CACNG3: variants seen among roughly 807,000 people sequenced by gnomAD.
CACNG3 encodes the protein calcium voltage-gated channel auxiliary subunit gamma 3.
CACNG3 carries 3 observed loss-of-function variants against 28.5 expected under a neutral mutation model. The observed-to-expected ratio is 0.11, with a 90% CI of 0.05 to 0.27. The LOEUF (loss-of-function observed/expected upper bound fraction) is 0.27. CACNG3 is among the 10% of genes least tolerant of loss of function. The pLI is 1.00. For synonymous variants in CACNG3, 174 were observed against 162.2 expected, an observed-to-expected ratio of 1.07 and a Z score of -0.55; for missense variants, 236 against 414.4, an observed-to-expected ratio of 0.57 and a Z score of 3.74.
intron 2 of CACNG3, among the ~76,000 whole-genome samples, chr16:24,354,402 A>G (rs1900000930): frequency 6.6e-6 from 1 of 151,944 alleles, no homozygotes; most frequent in African/African-American, 2.4e-5. Flanking sequence ...GCTCCCACCA[A>G]GGGCAAAATG....
Position 24,256,993 on chromosome 16 carries a change from T to G in CACNG3, c.211+28T>G. 7.4e-7 allele frequency: 1 copy of G among 1,352,932 alleles called. No homozygotes were observed. The highest frequency in any genetic ancestry group is 1.1e-6 in the Non-Finnish European group (1 of 942,108). 83.8% of individuals were successfully genotyped at this position (1,352,932 alleles called of 1,614,324 possible). On this transcript the variant is annotated intron_variant, in intron 1 of 3. Coordinates refer to ENST00000005284, the MANE Select transcript of CACNG3 (RefSeq NM_006539.4). The surrounding 1 kb of genome is among the most constrained non-coding windows in gnomAD (Gnocchi z 4.6). ...ATTTACAATTTCCTCTCAATAGCTC[T>G]GAATAATCCAGTTCTGATATTCTGG...
chr16:24,313,200 T>G (rs1311387356), intron 1 of CACNG3, among the ~76,000 whole-genome samples: 1 of 152,164 alleles, frequency 6.6e-6, no homozygotes, highest in Non-Finnish European at 1.5e-5. Flanking sequence ...CTAGAACATA[T>G]TCATTAAAAC....
At chr16:24,315,538 TC>T (rs1364095752) in intron 1 of CACNG3, among the ~76,000 whole-genome samples, 1 of 151,460 alleles carries the variant, frequency 6.6e-6, no homozygotes, top group African/African-American at 2.4e-5. Flanking sequence ...TCTTTCTTTT[TC>T]CTTTTTTTCT....
chr16:24,355,092 T>C, intron 3 of CACNG3, 119 bp downstream of exon 3: 1 of 1,004,850 alleles, frequency 1.0e-6, no homozygotes, highest in South Asian at 1.6e-5. Context: ...AATGTTCCAG[T>C]TGTGCTAAGG....
At chr16:24,342,905 G>A (rs935973267) in intron 1 of CACNG3, among the ~76,000 whole-genome samples, 3 of 152,088 alleles carry the variant, frequency 2.0e-5, no homozygotes, top group African/African-American at 7.2e-5. Flanking sequence ...ACTGGTGACT[G>A]CAGGCCAGGC....
intron 1 of CACNG3, among the ~76,000 whole-genome samples, chr16:24,317,648 A>AAAGAAAGAAAGAAAGAAAGAAAG (rs1491194402): frequency 1.3e-4 from 7 of 55,736 alleles, no homozygotes; most frequent in South Asian, 6.2e-4. Context: ...GAAAGAAAAG[A>AAAGAAAGAAAGAAAGAAAGAAAG]AAAGAAAGAA....
intron 1 of CACNG3, among the ~76,000 whole-genome samples, chr16:24,302,622 A>T (rs1287948145): frequency 1.4e-5 from 2 of 144,938 alleles, no homozygotes; most frequent in African/African-American, 5.4e-5. Flanking sequence ...GCCCAGCTAA[A>T]TTTTTTTGTT....
chr16:24,336,683 T>C (rs1899715468), intron 1 of CACNG3, among the ~76,000 whole-genome samples: 1 of 116,972 alleles, frequency 8.5e-6, no homozygotes, highest in Non-Finnish European at 2.1e-5. Flanking sequence ...GAGAGCTCTC[T>C]GGAGTTTCTT....
chr16:24,324,457 C>A (rs1375432035), intron 1 of CACNG3, among the ~76,000 whole-genome samples: 1 of 152,126 alleles, frequency 6.6e-6, no homozygotes, highest in Non-Finnish European at 1.5e-5. Flanking sequence ...TCCCCCACTC[C>A]CCAGACCCAA....
At position 24,314,475 on chromosome 16, in the gene CACNG3, G is replaced by A. The variant is rs1289918501; in HGVS notation, c.212-32259G>A. Among the ~76,000 whole-genome samples, 3 of 152,114 alleles carry A rather than the reference G, an allele frequency of 2.0e-5. No homozygotes were observed. The East Asian group carries it at 5.8e-4, about 29-fold the overall frequency. On this transcript the variant is annotated intron_variant, in intron 1 of 3. Transcript: ENST00000005284. Reference sequence around the variant, plus strand: ...GAGCAGCCTTGACCTTTCTCCCAATGCACCTTGATGTGAAAAAGGAAGGAA... The same window carrying A: ...GAGCAGCCTTGACCTTTCTCCCAATACACCTTGATGTGAAAAAGGAAGGAA...
chr16:24,350,921 T>A (rs945923446), intron 2 of CACNG3, among the ~76,000 whole-genome samples: 18 of 152,270 alleles, frequency 1.2e-4, no homozygotes, highest in African/African-American at 4.3e-4. Context: ...TTACAAATTA[T>A]AAATAAGTTG....
chr16:24,297,987 CTGTGTGTGTGTGTGTGTG>C (rs55859502), intron 1 of CACNG3, among the ~76,000 whole-genome samples: 1 of 149,080 alleles, frequency 6.7e-6, no homozygotes, highest in South Asian at 2.2e-4. Context: ...TTCAAAAGAT[CTGTGTGTGTGTGTGTGTG>C]TGTGTGTGTG....
Position 24,346,735 on chromosome 16 carries a change from G to C in CACNG3, c.213G>C (p.Gly71=), listed in dbSNP as rs1388912149. ...CAGAACCCTTATCTGTTTCCACAGGGGCTTTCCGAGGCGTGTGCAAGAAAA... is the reference window on the plus strand; with the variant it reads ...CAGAACCCTTATCTGTTTCCACAGGCGCTTTCCGAGGCGTGTGCAAGAAAA... ...SGLWRTCCLE[G]AFRGVCKKID... is the part of the protein sequence containing the mutation. The change falls in exon 2 of 4, where the codon GGG becomes GGC. Residue 71 remains glycine, a splice_region_variant and synonymous_variant. Transcript: ENST00000005284. The C allele has an allele frequency of 6.2e-7, 1 of 1,613,336 alleles. No homozygotes were observed. Among genetic ancestry groups the C allele is most frequent in the Non-Finnish European group, 8.5e-7 (1 of 1,179,402 alleles).
intron 1 of CACNG3, among the ~76,000 whole-genome samples, chr16:24,282,976 C>G (rs1326763869): frequency 6.6e-6 from 1 of 152,134 alleles, no homozygotes; most frequent in East Asian, 1.9e-4. Context: ...TCAAGCAATT[C>G]TCCTGCCTCA....
chr16:24,264,607 C>T lies in CACNG3; in HGVS notation c.211+7642C>T, dbSNP rs189331060. 4.7e-3 allele frequency among the ~76,000 whole-genome samples: 715 copies of T among 152,344 alleles called. 16 individuals are homozygous for T. The highest frequency in any genetic ancestry group is 4.0e-3 in the Admixed American group (61 of 15,308). ...AGCAAACAAGAAAGGTTTACAGCCT[C>T]GCCCAGCTAAGTGAAGTGGCATGTT... On this transcript the variant is annotated intron_variant, in intron 1 of 3. Transcript: ENST00000005284.
At chr16:24,279,708 G>A (rs966848687) in intron 1 of CACNG3, among the ~76,000 whole-genome samples, 6 of 152,196 alleles carry the variant, frequency 3.9e-5, no homozygotes, top group Admixed American at 1.3e-4. Flanking sequence ...CACTTTGGTA[G>A]ATGCTTGAAA....
intron 1 of CACNG3, among the ~76,000 whole-genome samples, chr16:24,287,212 G>A (rs763960109): frequency 6.6e-6 from 1 of 152,144 alleles, no homozygotes; most frequent in Non-Finnish European, 1.5e-5. Context: ...CAACAGGTAC[G>A]CATGATTAAA....
intron 1 of CACNG3, among the ~76,000 whole-genome samples, chr16:24,309,593 G>A (rs77921328): frequency 6.6e-6 from 1 of 152,182 alleles, no homozygotes; most frequent in Non-Finnish European, 1.5e-5. Flanking sequence ...TTCATGCAGG[G>A]GTGCCTGGTG....
At chr16:24,297,374 T>C (rs1899045932) in intron 1 of CACNG3, among the ~76,000 whole-genome samples, 1 of 152,220 alleles carries the variant, frequency 6.6e-6, no homozygotes, top group African/African-American at 2.4e-5. Flanking sequence ...GTTTTGAAGC[T>C]GCTCTGGGGA....
Sources: gnomAD v4.1 joint callset for allele counts (sites outside exome capture counted in the v4.1 genomes callset) on GRCh38, gnomAD v4.1.1 for gene constraint, Gnocchi (gnomAD v3.1) non-coding constraint, MANE v1.5 for transcripts, NCBI Gene and HGNC (gene_info 2026-07-23, HGNC 2026-07-21) for gene names.